CEP63: variants seen among roughly 807,000 people sequenced by gnomAD.
CEP63 encodes the protein centrosomal protein of 63 kDa.
CEP63 carries 84 observed loss-of-function variants against 89.1 expected under a neutral mutation model. The observed-to-expected ratio is 0.94, with a 90% CI of 0.79 to 1.13. The LOEUF (loss-of-function observed/expected upper bound fraction) is 1.13, where lower values mean the gene tolerates loss of function less well. CEP63 is among the 50% of genes most tolerant of loss of function. CEP63 has a pLI of 0.00. For missense variants in CEP63, 838 were observed against 813.3 expected (o/e 1.03, Z -0.37); for synonymous variants, 267 against 272.5 (o/e 0.98, Z 0.20).
chr3:134,616,245 T>C, the CEP63 span, among the ~76,000 whole-genome samples: 3 of 152,188 alleles, frequency 2.0e-5, no homozygotes. Context: ...CATCAGTGAC[T>C]TGGGACAGAC....
chr3:134,627,839 G>A, the CEP63 span: 10 of 1,596,484 alleles, frequency 6.3e-6, no homozygotes, highest in East Asian at 2.2e-4. Context: ...CCAAAGATCA[G>A]AAGTATAGAT....
the CEP63 span, among the ~76,000 whole-genome samples, chr3:134,701,070 C>T: frequency 6.6e-6 from 1 of 151,392 alleles, no homozygotes; most frequent in Non-Finnish European, 1.5e-5. Context: ...TTGAAGAGGA[C>T]ACATGTGTTC....
the CEP63 span, among the ~76,000 whole-genome samples, chr3:134,655,033 T>C: frequency 6.6e-6 from 1 of 152,120 alleles, no homozygotes; most frequent in South Asian, 2.1e-4. Context: ...CCCAGTAGGG[T>C]GATAGTGAAC....
At chr3:134,617,542 A>G in the CEP63 span, among the ~76,000 whole-genome samples, 1 of 152,232 alleles carries the variant, frequency 6.6e-6, no homozygotes, top group South Asian at 2.1e-4. Context: ...ACAGTCTGGA[A>G]AGTAATATGA....
At chr3:134,557,870 T>TA (rs1221166312) in intron 12 of CEP63, among the ~76,000 whole-genome samples, 3 of 152,172 alleles carry the variant, frequency 2.0e-5, no homozygotes, top group Non-Finnish European at 4.4e-5. Flanking sequence ...GATTCCCTCT[T>TA]ACAGCTTTCC....
the CEP63 span, among the ~76,000 whole-genome samples, chr3:134,705,132 G>A: frequency 6.6e-6 from 1 of 152,140 alleles, no homozygotes; most frequent in Non-Finnish European, 1.5e-5. Flanking sequence ...AGTTCATTTT[G>A]AGTTGTTATA....
chr3:134,769,610 G>A, the CEP63 span, among the ~76,000 whole-genome samples: 1 of 152,166 alleles, frequency 6.6e-6, no homozygotes, highest in African/African-American at 2.4e-5. Flanking sequence ...AATATTTCCT[G>A]TCTGGATGGA....
intron 14 of CEP63, among the ~76,000 whole-genome samples, chr3:134,560,815 G>C (rs1240746061): frequency 6.6e-6 from 1 of 152,120 alleles, no homozygotes; most frequent in Non-Finnish European, 1.5e-5. Flanking sequence ...TCAGTGTTTT[G>C]GGTGACTTTA....
chr3:134,648,792 A>G, the CEP63 span, among the ~76,000 whole-genome samples: 2 of 152,200 alleles, frequency 1.3e-5, no homozygotes, highest in African/African-American at 4.8e-5. Context: ...CATCCTCTGC[A>G]TTGCAACAAT....
At chr3:134,528,431 T>G (rs1185693428) in intron 3 of CEP63, among the ~76,000 whole-genome samples, 2 of 152,238 alleles carry the variant, frequency 1.3e-5, no homozygotes, top group African/African-American at 4.8e-5. Flanking sequence ...AACTCCGTAG[T>G]CAGCTTCCAT....
At chr3:134,614,262 A>G in the CEP63 span, among the ~76,000 whole-genome samples, 99 of 152,320 alleles carry the variant, frequency 6.5e-4, no homozygotes, top group Admixed American at 1.3e-3. Flanking sequence ...CAGCCATCCC[A>G]GAGCCTAAAA....
the CEP63 span, among the ~76,000 whole-genome samples, chr3:134,679,774 G>T: frequency 6.6e-6 from 1 of 152,200 alleles, no homozygotes; most frequent in Non-Finnish European, 1.5e-5. Flanking sequence ...CCAGGCTGGA[G>T]TGCAGTGGTG....
chr3:134,629,386 G>C, the CEP63 span: 1 of 523,418 alleles, frequency 1.9e-6, no homozygotes, highest in Non-Finnish European at 3.4e-6. Context: ...TGTGTCTTCA[G>C]CTAAATGTCT....
At chr3:134,603,617 A>G in the CEP63 span, 1 of 1,600,572 alleles carries the variant, frequency 6.2e-7, no homozygotes, top group Non-Finnish European at 8.5e-7. Flanking sequence ...ATGTAGGAGT[A>G]GAAATTGTGG....
At chr3:134,735,607 G>T in the CEP63 span, among the ~76,000 whole-genome samples, 1 of 152,128 alleles carries the variant, frequency 6.6e-6, no homozygotes, top group Non-Finnish European at 1.5e-5. Context: ...GAGTGTGTGT[G>T]TTGGGTAACT....
Position 134,558,150 on chromosome 3 carries a change from G to A in CEP63, c.1476G>A (p.Glu492=). 1.9e-6 allele frequency: 3 copies of A among 1,612,832 alleles called. No individual in the cohort carries two copies. In the South Asian group the frequency reaches 3.3e-5, roughly 18 times the overall value. ...GTATTCTTTTTTATTAGGCAAAAGA[G>A]ATTTCACTAGCAGACCTCCAGGAGA... The part of the protein sequence containing the change: ...KLELGLHEAK[E]ISLADLQENY... The change falls in exon 13 of 15, where the codon GAG becomes GAA. Residue 492 remains glutamate (E), a synonymous_variant. Coordinates refer to ENST00000675561, the MANE Select transcript of CEP63 (RefSeq NM_001353108.3).
At chr3:134,627,894 G>C in the CEP63 span, 1 of 1,177,776 alleles carries the variant, frequency 8.5e-7, no homozygotes, top group Non-Finnish European at 1.3e-6. Flanking sequence ...CTCACCTTCT[G>C]GTGGTCCTTG....
chr3:134,741,172 T>C, the CEP63 span, among the ~76,000 whole-genome samples: 1 of 152,188 alleles, frequency 6.6e-6, no homozygotes, highest in Non-Finnish European at 1.5e-5. Context: ...TGCCCTTCTC[T>C]GCCCATCTTC....
the CEP63 span, among the ~76,000 whole-genome samples, chr3:134,641,955 A>C: frequency 1.3e-5 from 2 of 152,172 alleles, no homozygotes; most frequent in African/African-American, 4.8e-5. Flanking sequence ...GTGTTGAGCC[A>C]TGTGCAGTTG....
Sources: gnomAD v4.1 joint callset for allele counts (sites outside exome capture counted in the v4.1 genomes callset) on GRCh38, gnomAD v4.1.1 for gene constraint, MANE v1.5 for transcripts, NCBI Gene and HGNC (gene_info 2026-07-23, HGNC 2026-07-21) for gene names.